The following SMARCA2 variants were observed in gnomAD, a reference collection of about 807,000 sequenced individuals.
SMARCA2 encodes SWI/SNF related BAF chromatin remodeling complex subunit ATPase 2, also known as SWI/SNF-related matrix-associated actin-dependent regulator of chromatin subfamily A member 2.
Under a neutral mutation model 199.8 loss-of-function variants are expected in SMARCA2, and 61 were observed. The observed-to-expected ratio is 0.31, with a 90% confidence interval of 0.25 to 0.38. SMARCA2 has a LOEUF of 0.38. Among genes scored for constraint, SMARCA2 ranks in the 10% least tolerant of loss-of-function variants. The probability of loss-of-function intolerance (pLI) is 1.00; values close to 1 mark genes in which losing one functional copy is unlikely to be tolerated. For missense variants in SMARCA2, 1,344 were observed against 2,012.2 expected (o/e 0.67, Z 6.35); for synonymous variants, 935 against 732.0 (o/e 1.28, Z -4.48).
intron 33 of SMARCA2, chr9:2,192,469 C>G: frequency 1.9e-6 from 1 of 528,740 alleles, no homozygotes; most frequent in Non-Finnish European, 3.3e-6. Flanking sequence ...TGAAAGGGCA[C>G]AAACAATAGC....
At chr9:2,019,464 T>C (rs904097174) in intron 1 of SMARCA2, among the ~76,000 whole-genome samples, 7 of 148,008 alleles carry the variant, frequency 4.7e-5, no homozygotes, top group African/African-American at 1.8e-4. Flanking sequence ...TCTTGAAAAG[T>C]GCTTTGACCA....
intron 27 of SMARCA2, among the ~76,000 whole-genome samples, chr9:2,140,574 T>G (rs979456613): frequency 2.2e-4 from 33 of 152,330 alleles, no homozygotes; most frequent in Middle Eastern, 6.8e-3. Flanking sequence ...TTATGTAAAC[T>G]GTAAAGTAGA....
At chr9:2,044,727 T>C (rs1257769069) in intron 4 of SMARCA2, 1 of 152,218 alleles carries the variant, frequency 6.6e-6, no homozygotes, top group Non-Finnish European at 1.5e-5. Context: ...AAGAACATTT[T>C]TTCTGGGAAG....
chr9:2,117,073 A>G lies in SMARCA2; in HGVS notation c.3684+1024A>G, dbSNP rs148959037. Among the ~76,000 whole-genome samples, 1,007 of 152,352 alleles carry G rather than the reference A, an allele frequency of 6.6e-3. 13 individuals are homozygous for G. Among genetic ancestry groups the G allele is most frequent in the African/African-American group, 0.023 (960 of 41,580 alleles). ...GACAAACCCATCATAAATTGAAAATATCAGGACATGGCCCCATCTTAAGTC... is the reference window on the plus strand; with the variant it reads ...GACAAACCCATCATAAATTGAAAATGTCAGGACATGGCCCCATCTTAAGTC... On this transcript the variant is annotated intron_variant, in intron 25 of 33. Transcript: ENST00000349721.
In SMARCA2 at chr9:2,166,924, G is replaced by T. The variant is rs183701515; in HGVS notation, c.4200-3495G>T. 1.2e-4 allele frequency among the ~76,000 whole-genome samples: 19 copies of T among 152,304 alleles called. No individual in the cohort carries two copies. The East Asian group carries it at 3.7e-3, about 29-fold the overall frequency. On this transcript the variant is annotated intron_variant, in intron 28 of 33. Transcript: ENST00000349721. The stretch of plus-strand genomic sequence containing the variant: ...AACCCTGCCGAAAAAGTGAAATGAG[G>T]TTAGCTTGCCATGGCTTTTTCTAAG...
chr9:2,187,259 G>T (rs1158475783), intron 32 of SMARCA2, among the ~76,000 whole-genome samples: 1 of 152,124 alleles, frequency 6.6e-6, no homozygotes, highest in Admixed American at 6.6e-5. Flanking sequence ...TTGATGACTG[G>T]GTTTTGGTGC....
At chr9:2,079,651 C>A (rs79998434) in intron 14 of SMARCA2, among the ~76,000 whole-genome samples, 1 of 152,344 alleles carries the variant, frequency 6.6e-6, no homozygotes, top group East Asian at 1.9e-4. Flanking sequence ...CTGAGGACCA[C>A]TGCTCTGGCC....
chr9:2,124,072 A>C (rs1823583277), intron 27 of SMARCA2, 135 bp downstream of exon 27: 1 of 718,882 alleles, frequency 1.4e-6, no homozygotes, highest in Admixed American at 2.2e-5. Flanking sequence ...TGAACACAGA[A>C]GATAAAGTCA....
In SMARCA2 at chr9:2,155,495, C is replaced by A. The variant is rs973621580; in HGVS notation, c.3982-6191C>A. On this transcript the variant is annotated intron_variant, in intron 27 of 33. Coordinates refer to ENST00000349721, the MANE Select transcript of SMARCA2 (RefSeq NM_003070.5). ...ATGGTGTTTCACCATATTGGCCAGG[C>A]TGGTCTCGAACTCCTGACCTTGTGA... Among the ~76,000 whole-genome samples the A allele has an allele frequency of 3.3e-5, 5 of 152,224 alleles. No homozygotes were observed. The South Asian group carries it at 6.2e-4, about 19-fold the overall frequency.
chr9:2,147,950 C>A (rs1021280890), intron 27 of SMARCA2, among the ~76,000 whole-genome samples: 2 of 151,560 alleles, frequency 1.3e-5, no homozygotes, highest in Non-Finnish European at 3.0e-5. Context: ...TCTTGCACCT[C>A]AGCCTCCCAG....
chr9:2,188,943 T>C (rs1410720143), intron 32 of SMARCA2, among the ~76,000 whole-genome samples: 2 of 152,180 alleles, frequency 1.3e-5, no homozygotes, highest in African/African-American at 4.8e-5. Context: ...CCCCTACCCC[T>C]TGTTCCAACT....
chr9:2,192,880 G>GACAA lies in SMARCA2; in HGVS notation c.*145_*148dup. On this transcript the variant is annotated 3_prime_UTR_variant, in exon 34 of 34. Coordinates refer to ENST00000349721, the MANE Select transcript of SMARCA2 (RefSeq NM_003070.5). ...ATAAACTAGCTTTAGGATAGTGCCA[G>GACAA]ACAAACATATGATATCATGGTGTAA... 3.0e-6 allele frequency: 2 copies of GACAA among 668,822 alleles called. No individual in the cohort carries two copies. Among genetic ancestry groups the GACAA allele is most frequent in the South Asian group, 3.7e-5 (2 of 53,956 alleles). 41.4% of individuals were successfully genotyped at this position (668,822 alleles called of 1,614,324 possible).
At chr9:2,036,389 T>C (rs1819334209) in intron 3 of SMARCA2, among the ~76,000 whole-genome samples, 3 of 152,058 alleles carry the variant, frequency 2.0e-5, no homozygotes. Flanking sequence ...TCAAAGAAGA[T>C]TCCAAAAAGA....
chr9:2,081,713 T>C (rs961628220), intron 14 of SMARCA2, 119 bp from the exon 15 acceptor site: 2 of 787,124 alleles, frequency 2.5e-6, no homozygotes, highest in Admixed American at 2.5e-5. Flanking sequence ...ATTTTCCTAC[T>C]GTGGGAAACC....
At chr9:2,141,539 C>A (rs758760658) in intron 27 of SMARCA2, among the ~76,000 whole-genome samples, 10 of 152,250 alleles carry the variant, frequency 6.6e-5, no homozygotes, top group Admixed American at 2.0e-4. Flanking sequence ...CGTCTTCAAG[C>A]CTTTTAACTC....
At chr9:2,078,580 C>T (rs1270445171) in intron 14 of SMARCA2, among the ~76,000 whole-genome samples, 2 of 152,122 alleles carry the variant, frequency 1.3e-5, no homozygotes, top group Non-Finnish European at 2.9e-5. Context: ...TGTGTTCTAC[C>T]TTCTACCACT....
chr9:2,178,353 T>G (rs1166524228), intron 29 of SMARCA2, among the ~76,000 whole-genome samples: 1 of 152,196 alleles, frequency 6.6e-6, no homozygotes, highest in Non-Finnish European at 1.5e-5. Context: ...CCATCCGATG[T>G]CACAGGCCAT....
chr9:2,068,245 T>C (rs1490988885), intron 9 of SMARCA2, among the ~76,000 whole-genome samples: 1 of 152,254 alleles, frequency 6.6e-6, no homozygotes, highest in East Asian at 1.9e-4. Flanking sequence ...AGCCTGATGC[T>C]CTTTGAAGCT....
chr9:2,048,779 T>A (rs1819993245), intron 5 of SMARCA2, among the ~76,000 whole-genome samples: 1 of 152,238 alleles, frequency 6.6e-6, no homozygotes, highest in Non-Finnish European at 1.5e-5. Context: ...AGCTAGATAC[T>A]CATTGTCAAT....
Sources: allele counts gnomAD v4.1 joint callset (sites outside exome capture counted in the v4.1 genomes callset), GRCh38; gene constraint gnomAD v4.1.1; transcripts MANE v1.5; gene names NCBI Gene and HGNC (gene_info 2026-07-23, HGNC 2026-07-21).